Variants in COL3A1 observed in about 807,000 individuals in gnomAD.
COL3A1 encodes collagen alpha-1(III) chain.
In COL3A1, 46 loss-of-function variants were observed where a neutral mutation model predicts 200.9. The ratio of observed to expected loss-of-function variants is 0.23; its 90% CI spans 0.18 to 0.29. The LOEUF (loss-of-function observed/expected upper bound fraction) is 0.29, where lower values mean the gene tolerates loss of function less well. COL3A1 is among the 10% of genes least tolerant of loss of function. The pLI is 1.00. For synonymous variants in COL3A1, 650 were observed against 628.0 expected (o/e 1.03, Z -0.52); for missense variants, 1,367 against 1,917.6 (o/e 0.71, Z 5.36).
rs1801183 is a variant in COL3A1 at position 188,998,698 on chromosome 2, C to A, written c.2002C>A (p.Pro668Thr). Residue 668 changes from proline (P) to threonine (T), a missense_variant, in exon 29 of 51, where the codon CCT (proline) becomes ACT (threonine). By Grantham distance (38) the Pro-to-Thr change is conservative (BLOSUM62 -1). Coordinates refer to ENST00000304636, the MANE Select transcript of COL3A1 (RefSeq NM_000090.4). ...EPGPKGDAGA[P>T]GAPGGKGDAG... The stretch of plus-strand genomic sequence containing the variant: ...GGGTCCAAAGGGTGATGCCGGTGCA[C>A]CTGGAGCTCCAGGAGGCAAGGTAGT... 2,416 of 1,613,868 alleles carry A rather than the reference C, an allele frequency of 1.5e-3. 14 individuals are homozygous for A. Among genetic ancestry groups the A allele is most frequent in the South Asian group, 8.3e-3 (753 of 91,056 alleles).
chr2:188,991,844 A>G, intron 13 of COL3A1, 122 bp downstream of exon 13: 1 of 948,298 alleles, frequency 1.1e-6, no homozygotes, highest in Non-Finnish European at 1.7e-6. Context: ...ATTATACTCA[A>G]TGATACTGTG....
intron 31 of COL3A1, 72 bp from the exon 32 acceptor site, chr2:188,999,770 A>G: frequency 1.3e-6 from 2 of 1,500,794 alleles, no homozygotes; most frequent in Non-Finnish European, 1.8e-6. Flanking sequence ...AAATCCTGAG[A>G]GTTACTCCTC....
intron 32 of COL3A1, among the ~76,000 whole-genome samples, chr2:189,000,969 G>A (rs1688447132): frequency 1.3e-5 from 2 of 152,082 alleles, no homozygotes; most frequent in Non-Finnish European, 2.9e-5. Context: ...CTTCAGTTTT[G>A]TAATATAAGT....
chr2:189,006,325 A>C lies in COL3A1; in HGVS notation c.3094-20A>C. 6.2e-7 allele frequency: 1 copy of C among 1,613,790 alleles called. No homozygotes were observed. Among genetic ancestry groups the C allele is most frequent in the Middle Eastern group, 1.6e-4 (1 of 6,062 alleles). On this transcript the variant is annotated intron_variant, in intron 42 of 50. Coordinates refer to ENST00000304636, the MANE Select transcript of COL3A1 (RefSeq NM_000090.4). ...TAAGTGATCATCATGTTTATTTTGTACCTATGAATTTGTTCACAGGGTGAT... is the reference window on the plus strand; with the variant it reads ...TAAGTGATCATCATGTTTATTTTGTCCCTATGAATTTGTTCACAGGGTGAT...
intron 22 of COL3A1, 32 bp from the exon 23 acceptor site, chr2:188,996,093 A>G (rs747329834): frequency 5.6e-6 from 9 of 1,603,728 alleles, no homozygotes; most frequent in Non-Finnish European, 7.7e-6. Flanking sequence ...ATTTCATTTT[A>G]AATCACCTAA....
rs1158155272 is a variant in COL3A1 at position 189,003,753 on chromosome 2, G to C, written c.2627G>C (p.Gly876Ala). ...PGGPGAAGFP[G>A]ARGLPGPPGS... is the part of the protein sequence containing the mutation. Reference sequence around the variant, plus strand: ...TCACAGGGTGCTGCTGGCTTCCCTGGTGCTCGTGGTCTTCCTGGTCCTCCT... The same window carrying C: ...TCACAGGGTGCTGCTGGCTTCCCTGCTGCTCGTGGTCTTCCTGGTCCTCCT... Residue 876 changes from glycine to alanine, a missense_variant, in exon 38 of 51, where the codon GGT (glycine) becomes GCT (alanine). This residue lies in a region of COL3A1 where 846 missense variants were observed against 1,147.9 expected (regional missense o/e 0.74). Transcript: ENST00000304636. 6.2e-7 allele frequency: 1 copy of C among 1,613,702 alleles called. No individual in the cohort carries two copies. The highest frequency in any genetic ancestry group is 1.3e-5 in the African/African-American group (1 of 74,796).
At chr2:188,997,055 GAGACATATATATATGAGACATATATATA>G in intron 24 of COL3A1, 82 bp from the exon 25 acceptor site, 1 of 723,140 alleles carries the variant, frequency 1.4e-6, no homozygotes. Flanking sequence ...ATATATATAT[GAGACATATATATATGAGACATATATATA>G]TGAGACATAT....
chr2:188,975,954 A>C (rs1687801480), intron 1 of COL3A1, among the ~76,000 whole-genome samples: 3 of 143,942 alleles, frequency 2.1e-5, no homozygotes, highest in African/African-American at 2.6e-5. Context: ...CTCCCTCCCT[A>C]CTCCCCATGT....
intron 1 of COL3A1, among the ~76,000 whole-genome samples, chr2:188,984,025 A>G (rs1167122895): frequency 6.6e-6 from 1 of 152,018 alleles, no homozygotes; most frequent in African/African-American, 2.4e-5. Flanking sequence ...ATTTTAAGCC[A>G]CAAATACAGA....
In COL3A1 at chr2:188,996,116, T is replaced by C; in HGVS notation, c.1609-9T>C. 2 of 1,613,142 alleles carry C rather than the reference T, an allele frequency of 1.2e-6. No homozygotes were observed. The highest frequency in any genetic ancestry group is 2.2e-5 in the South Asian group (2 of 91,042). On this transcript the variant is annotated splice_polypyrimidine_tract_variant and intron_variant, in intron 22 of 50. Coordinates refer to ENST00000304636, the MANE Select transcript of COL3A1 (RefSeq NM_000090.4). ...TTAAATCACCTAACAACTGACTTCT[T>C]TACTTCAGGGCATGCCCGGAAGTCC...
rs765666268 is a variant in COL3A1, at chr2:188,991,492, A to C, written c.858A>C (p.Glu286Asp). The part of the protein sequence containing the change: ...GETGAPGLKG[E>D]NGLPGENGAP... ...CATATTTTATATGTATCTAGGGTGA[A>C]AATGGTCTTCCAGGCGAAAATGGAG... The change falls in exon 12 of 51, where the codon GAA becomes GAC. Residue 286 changes from glutamate to aspartate, a missense_variant. By Grantham distance (45) the Glu-to-Asp change is conservative (BLOSUM62 2). Transcript: ENST00000304636. 4.4e-6 allele frequency: 7 copies of C among 1,606,892 alleles called. No homozygotes were observed. The South Asian group carries it at 7.7e-5, about 18-fold the overall frequency.
At chr2:188,995,140 A>C (rs771782405) in intron 21 of COL3A1, 41 bp downstream of exon 21, 3 of 1,548,438 alleles carry the variant, frequency 1.9e-6, no homozygotes, top group Admixed American at 1.7e-5. Flanking sequence ...TGCTAGCACC[A>C]CAAATGGGCA....
intron 16 of COL3A1, 106 bp from the exon 17 acceptor site, chr2:188,993,932 C>T (rs1272914617): frequency 9.4e-7 from 1 of 1,065,922 alleles, no homozygotes; most frequent in African/African-American, 1.6e-5. Flanking sequence ...TTAATCTCTA[C>T]AAAGCATAAC....
chr2:188,999,248 G>T, intron 29 of COL3A1, 37 bp from the exon 30 acceptor site: 1 of 1,535,164 alleles, frequency 6.5e-7, no homozygotes, highest in South Asian at 1.2e-5. Flanking sequence ...TTAGCTTTGG[G>T]TTGTCTAATA....
At chr2:188,987,801 A>G (rs1688094560) in intron 5 of COL3A1, among the ~76,000 whole-genome samples, 2 of 152,090 alleles carry the variant, frequency 1.3e-5, no homozygotes, top group Non-Finnish European at 1.5e-5. Flanking sequence ...AGCATTATGT[A>G]CTAGTTTTTC....
rs753827001 is a variant in COL3A1 at position 188,988,062 on chromosome 2, A to T, written c.529-19A>T. 1.9e-6 allele frequency: 3 copies of T among 1,596,100 alleles called. No individual in the cohort carries two copies. Reference sequence around the variant, plus strand: ...TTTGCATTCATTTATTTTGTTTTTCATTCAAATTCACATTCCAGGGCCCCC... The same window carrying T: ...TTTGCATTCATTTATTTTGTTTTTCTTTCAAATTCACATTCCAGGGCCCCC... On this transcript the variant is annotated intron_variant, in intron 5 of 50. Coordinates refer to ENST00000304636, the MANE Select transcript of COL3A1 (RefSeq NM_000090.4).
intron 1 of COL3A1, among the ~76,000 whole-genome samples, chr2:188,975,139 A>G (rs1423255229): frequency 6.6e-6 from 1 of 152,190 alleles, no homozygotes; most frequent in Non-Finnish European, 1.5e-5. Context: ...ATATTTTATT[A>G]TTCCTGTTTT....
At chr2:189,003,121 C>A (rs1576470098) in intron 36 of COL3A1, 59 bp downstream of exon 36, 1 of 1,304,090 alleles carries the variant, frequency 7.7e-7, no homozygotes, top group East Asian at 2.5e-5. Flanking sequence ...TATTGATTAT[C>A]TGTCTATCTC....
intron 8 of COL3A1, 46 bp downstream of exon 8, chr2:188,989,495 G>A: frequency 7.2e-7 from 1 of 1,398,438 alleles, no homozygotes; most frequent in Non-Finnish European, 1.0e-6. Flanking sequence ...ATTTAACTTG[G>A]TGTATTCTAA....
Sources: gnomAD v4.1 joint callset for allele counts (sites outside exome capture counted in the v4.1 genomes callset) on GRCh38, gnomAD v4.1.1 for gene constraint, gnomAD v4.1.1 regional missense constraint, MANE v1.5 for transcripts, NCBI Gene and HGNC (gene_info 2026-07-23, HGNC 2026-07-21) for gene names.